Variants in CTNNA2 observed in about 807,000 individuals in gnomAD.
CTNNA2 encodes the protein catenin alpha-2.
CTNNA2 carries 42 observed loss-of-function variants against 101.0 expected under a neutral mutation model. The observed-to-expected ratio is 0.42, with a 90% CI of 0.32 to 0.54. The LOEUF (loss-of-function observed/expected upper bound fraction) is 0.54. CTNNA2 is among the 20% of genes least tolerant of loss of function. CTNNA2 has a pLI of 0.14. For synonymous variants in CTNNA2, 450 were observed against 456.4 expected, an observed-to-expected ratio of 0.99 and a Z score of 0.18; for missense variants, 871 against 1,223.1, an observed-to-expected ratio of 0.71 and a Z score of 4.29.
At chr2:79,634,405 A>T (rs988673615) in intron 1 of CTNNA2, 1 of 152,114 alleles carries the variant, frequency 6.6e-6, no homozygotes, top group African/African-American at 2.4e-5. Flanking sequence ...TATTTTGTGG[A>T]TAGGTTTGTT....
intron 3 of CTNNA2, among the ~76,000 whole-genome samples, chr2:79,830,148 T>C (rs1043319354): frequency 6.6e-6 from 1 of 152,008 alleles, no homozygotes; most frequent in African/African-American, 2.4e-5. Flanking sequence ...ATACGAAACA[T>C]GTCTCAAGTT....
At chr2:79,198,704 C>G (rs748986910) in intron 2 of CTNNA2, among the ~76,000 whole-genome samples, 1 of 137,220 alleles carries the variant, frequency 7.3e-6, no homozygotes, top group Non-Finnish European at 1.6e-5. Context: ...TCAAATATTA[C>G]TTGAGCTACT....
intron 9 of CTNNA2, among the ~76,000 whole-genome samples, chr2:80,447,406 C>T (rs1683161588): frequency 6.6e-6 from 1 of 152,072 alleles, no homozygotes; most frequent in East Asian, 1.9e-4. Context: ...AAAGATCTGG[C>T]GTCTTATGGA....
chr2:79,688,149 C>T (rs11684245), intron 2 of CTNNA2, among the ~76,000 whole-genome samples: 63,027 of 151,652 alleles, frequency 0.42, 13,252 homozygotes, highest in Admixed American at 0.47. Context: ...AAACAGTTGG[C>T]AGAAACAAAT....
At chr2:80,014,025 T>G (rs994274304) in intron 7 of CTNNA2, among the ~76,000 whole-genome samples, 1 of 152,188 alleles carries the variant, frequency 6.6e-6, no homozygotes, top group African/African-American at 2.4e-5. Context: ...GGATTTACAA[T>G]GTAGGACTAG....
At chr2:80,352,408 A>T (rs187529515) in intron 7 of CTNNA2, among the ~76,000 whole-genome samples, 1 of 152,152 alleles carries the variant, frequency 6.6e-6, no homozygotes, top group South Asian at 2.1e-4. Context: ...CATGTCCCCA[A>T]CTGATATTTC....
intron 1 of CTNNA2, among the ~76,000 whole-genome samples, chr2:79,646,666 A>T (rs1014497539): frequency 2.6e-5 from 4 of 151,492 alleles, no homozygotes; most frequent in African/African-American, 9.7e-5. Context: ...AGTAGCTGGG[A>T]CTACAATATT....
At chr2:79,248,458 G>T (rs1031798612) in intron 2 of CTNNA2, among the ~76,000 whole-genome samples, 2 of 151,604 alleles carry the variant, frequency 1.3e-5, no homozygotes, top group African/African-American at 4.8e-5. Flanking sequence ...TTTAAAATTT[G>T]GTATGTCTTT....
chr2:80,124,474 C>T (rs566991077), intron 7 of CTNNA2, among the ~76,000 whole-genome samples: 5 of 152,158 alleles, frequency 3.3e-5, no homozygotes, highest in East Asian at 1.9e-4. Context: ...AGTAGCGGTC[C>T]GGGGTTCGCA....
intron 2 of CTNNA2, among the ~76,000 whole-genome samples, chr2:79,243,469 G>T (rs1321335917): frequency 6.6e-6 from 1 of 152,060 alleles, no homozygotes; most frequent in African/African-American, 2.4e-5. Context: ...TCCTCCTTTC[G>T]CCCCTGTCCT....
chr2:79,772,402 A>C (rs886959527), intron 3 of CTNNA2, among the ~76,000 whole-genome samples: 1 of 152,164 alleles, frequency 6.6e-6, no homozygotes, highest in Non-Finnish European at 1.5e-5. Flanking sequence ...AGATGCAAAA[A>C]TACAGTACCT....
chr2:79,383,270 G>A (rs1199785933), intron 4 of CTNNA2, among the ~76,000 whole-genome samples: 1 of 152,140 alleles, frequency 6.6e-6, no homozygotes, highest in Non-Finnish European at 1.5e-5. Flanking sequence ...AAACAACTTA[G>A]GAGTACATGG....
intron 7 of CTNNA2, among the ~76,000 whole-genome samples, chr2:79,993,352 T>G (rs1401919155): frequency 6.6e-6 from 1 of 152,138 alleles, no homozygotes; most frequent in Admixed American, 6.6e-5. Context: ...CCCTCTCCAT[T>G]TTTTGGGCTC....
At position 80,329,580 on chromosome 2, in the gene CTNNA2, G is replaced by A. The variant is rs1023012815; in HGVS notation, c.1057-63631G>A. 2.0e-5 allele frequency among the ~76,000 whole-genome samples: 3 copies of A among 152,178 alleles called. No individual in the cohort carries two copies. In the South Asian group the frequency reaches 6.2e-4, roughly 32 times the overall value. ...TTGGCCAGACTGAAACGGAAGGGCT[G>A]TGTTAGGATGCGGTGGGAAGTAAGG... On this transcript the variant is annotated intron_variant, in intron 7 of 18. Transcript: ENST00000402739.
chr2:79,780,866 T>G (rs937393316), intron 3 of CTNNA2, among the ~76,000 whole-genome samples: 5 of 152,102 alleles, frequency 3.3e-5, no homozygotes, highest in African/African-American at 1.2e-4. Flanking sequence ...AGAAGAAGAT[T>G]TAAAGGTAGT....
At chr2:79,750,647 G>T (rs912530292) in intron 3 of CTNNA2, among the ~76,000 whole-genome samples, 2 of 152,162 alleles carry the variant, frequency 1.3e-5, no homozygotes, top group South Asian at 4.1e-4. Flanking sequence ...CAGATCACGA[G>T]GTTAGGAGAT....
At chr2:79,274,848 C>A (rs1297528178) in intron 2 of CTNNA2, among the ~76,000 whole-genome samples, 1 of 151,840 alleles carries the variant, frequency 6.6e-6, no homozygotes, top group African/African-American at 2.4e-5. Flanking sequence ...TATCAGGTAC[C>A]AAAATGGATT....
intron 10 of CTNNA2, among the ~76,000 whole-genome samples, chr2:80,545,399 C>T (rs2149630593): frequency 6.7e-6 from 1 of 149,940 alleles, no homozygotes; most frequent in African/African-American, 2.5e-5. Flanking sequence ...AATAAACTAG[C>T]TGGGTGTGGT....
At position 79,225,594 on chromosome 2, in the gene CTNNA2, C is replaced by G. The variant is rs373357976; in HGVS notation, c.-406+27518C>G. Among the ~76,000 whole-genome samples, 4 of 152,222 alleles carry G rather than the reference C, an allele frequency of 2.6e-5. No homozygotes were observed. The East Asian group carries it at 7.7e-4, about 29-fold the overall frequency. On this transcript the variant is annotated intron_variant, in intron 2 of 21. Transcript: ENST00000466387. ...ATAAGGCCCATGTGGCTACACCTGA[C>G]TCAAGGTACTGAAAGATTTGAATGA...
Sources: gnomAD v4.1 joint callset for allele counts (sites outside exome capture counted in the v4.1 genomes callset) on GRCh38, gnomAD v4.1.1 for gene constraint, MANE v1.5 for transcripts, NCBI Gene and HGNC (gene_info 2026-07-23, HGNC 2026-07-21) for gene names.